The following PLCH2 variants were observed in gnomAD, a reference collection of about 807,000 sequenced individuals.
The protein encoded by PLCH2 is phospholipase C eta 2, also known as 1-phosphatidylinositol 4,5-bisphosphate phosphodiesterase eta-2.
PLCH2 carries 98 observed loss-of-function variants against 134.7 expected under a neutral mutation model. The observed-to-expected ratio is 0.73, with a 90% confidence interval of 0.62 to 0.86. The LOEUF is 0.86. Among genes scored for constraint, PLCH2 ranks in the 40% least tolerant of loss-of-function variants. The pLI is 0.00. For missense variants in PLCH2, 1,994 were observed against 1,986.6 expected (o/e 1.00, Z -0.07); for synonymous variants, 974 against 827.5 (o/e 1.18, Z -3.04).
chr1:2,427,812 G>GGGGTGGGAGCCCTCCA (rs1638873703), intron 1 of PLCH2, among the ~76,000 whole-genome samples: 3 of 151,842 alleles, frequency 2.0e-5, no homozygotes, highest in South Asian at 2.1e-4. Flanking sequence ...GGAGCCCTCC[G>GGGGTGGGAGCCCTCCA]GGGGTGGGAG....
intron 2 of PLCH2, among the ~76,000 whole-genome samples, chr1:2,461,978 G>A (rs902750440): frequency 5.1e-4 from 78 of 151,768 alleles, no homozygotes; most frequent in Non-Finnish European, 8.5e-4. Context: ...CTCCCCTGGC[G>A]CCCCCTCTCT....
chr1:2,492,104 C>T (rs1354664443), intron 11 of PLCH2, among the ~76,000 whole-genome samples: 10 of 152,364 alleles, frequency 6.6e-5, no homozygotes, highest in African/African-American at 2.4e-4. Flanking sequence ...GCTCGTTCTG[C>T]CTGTCCCTGC....
chr1:2,481,809 C>T (rs976335728), intron 4 of PLCH2, among the ~76,000 whole-genome samples: 4 of 152,228 alleles, frequency 2.6e-5, no homozygotes, highest in Non-Finnish European at 2.9e-5. Context: ...TGGGCCTCCC[C>T]GCCCATCTGT....
chr1:2,497,705 AG>A (rs2100723468), intron 16 of PLCH2, 96 bp downstream of exon 16: 2 of 695,264 alleles, frequency 2.9e-6, no homozygotes, highest in South Asian at 3.4e-5. Flanking sequence ...CAGGCTAGCA[AG>A]GGGGTGGGGG....
chr1:2,480,285 C>T lies in PLCH2; in HGVS notation c.618C>T (p.Pro206=), dbSNP rs765620447. 9 of 1,612,664 alleles carry T rather than the reference C, an allele frequency of 5.6e-6. No individual in the cohort carries two copies. The highest frequency in any genetic ancestry group is 7.6e-6 in the Non-Finnish European group (9 of 1,179,808). Reference sequence around the variant, plus strand: ...TGCACAAGCTCAACGTGAACCTGCCCCGGCAGAGGGTGAAGCAGATGTTCA... The same window carrying T: ...TGCACAAGCTCAACGTGAACCTGCCTCGGCAGAGGGTGAAGCAGATGTTCA... ...QLLHKLNVNL[P]RQRVKQMFRE... The change falls in exon 4 of 22, where the codon CCC becomes CCT. Residue 206 remains proline (P), a synonymous_variant. Coordinates refer to ENST00000378486, the MANE Select transcript of PLCH2 (RefSeq NM_014638.4).
chr1:2,504,617 C>T lies in PLCH2; in HGVS notation c.3655C>T (p.Leu1219=). The part of the protein sequence containing the change: ...TGQRPPIPDE[L]QPRSLAPRMA... Reference sequence around the variant, plus strand: ...CCAGCGGCCTCCCATACCTGACGAACTGCAGCCCAGGTCCCTGGCCCCAAG... The same window carrying T: ...CCAGCGGCCTCCCATACCTGACGAATTGCAGCCCAGGTCCCTGGCCCCAAG... The change falls in exon 22 of 22, where the codon CTG becomes TTG. Residue 1219 remains leucine, a synonymous_variant. Transcript: ENST00000378486. 3 of 1,612,740 alleles carry T rather than the reference C, an allele frequency of 1.9e-6. No homozygotes were observed. The highest frequency in any genetic ancestry group is 2.5e-6 in the Non-Finnish European group (3 of 1,179,816).
In PLCH2 at chr1:2,499,101, G is replaced by C; in HGVS notation, c.2452G>C (p.Glu818Gln). ...TTCCCCAGGGTTCAACCCCACCTGG[G>C]AGGAGACCCTGGTTTTCATGGTGCA... ...VDDNGFNPTW[E>Q]ETLVFMVHMP... The change falls in exon 19 of 22, where the codon GAG (glutamate) becomes CAG (glutamine). Residue 818 changes from glutamate to glutamine, a missense_variant. Physicochemically the swap from Glu to Gln is conservative, Grantham distance 29. Coordinates refer to ENST00000378486, the MANE Select transcript of PLCH2 (RefSeq NM_014638.4). The C allele has an allele frequency of 6.2e-7, 1 of 1,611,078 alleles. No homozygotes were observed. The highest frequency in any genetic ancestry group is 8.5e-7 in the Non-Finnish European group (1 of 1,179,100).
chr1:2,461,635 G>C (rs900763978), intron 2 of PLCH2, among the ~76,000 whole-genome samples: 1 of 152,144 alleles, frequency 6.6e-6, no homozygotes, highest in Non-Finnish European at 1.5e-5. Flanking sequence ...GGACAGTGAC[G>C]CCCACTGGAC....
At position 2,497,617 on chromosome 1, in the gene PLCH2, A is replaced by G. The variant is rs748823646; in HGVS notation, c.2224+8A>G. On this transcript the variant is annotated splice_region_variant and intron_variant, in intron 16 of 21. Transcript: ENST00000378486. The stretch of plus-strand genomic sequence containing the variant: ...CTGGGTGCATGTGCCAGGGTGAGGC[A>G]CTCGGACACTCAGGGCTCGGACGCT... The G allele has an allele frequency of 1.3e-6, 2 of 1,535,426 alleles. No homozygotes were observed. Among genetic ancestry groups the G allele is most frequent in the East Asian group, 2.4e-5 (1 of 40,968 alleles).
chr1:2,499,216 G>A lies in PLCH2; in HGVS notation c.2567G>A (p.Ser856Asn), dbSNP rs909774664. 6.2e-7 allele frequency: 1 copy of A among 1,612,858 alleles called. No homozygotes were observed. Among genetic ancestry groups the A allele is most frequent in the Non-Finnish European group, 8.5e-7 (1 of 1,179,810 alleles). Residue 856 changes from serine (S) to asparagine (N), a missense_variant, in exon 19 of 22, where the codon AGC (serine) becomes AAC (asparagine). Coordinates refer to ENST00000378486, the MANE Select transcript of PLCH2 (RefSeq NM_014638.4). ...ATTGGCCAGAGGACGCTGGCCTTCAGCAGCATGATGCCAGGTGGGCAGGAG... is the reference window on the plus strand; with the variant it reads ...ATTGGCCAGAGGACGCTGGCCTTCAACAGCATGATGCCAGGTGGGCAGGAG... ...DFIGQRTLAF[S>N]SMMPGYRHVY...
Position 2,478,522 on chromosome 1 carries a change from G to A in PLCH2, c.171G>A (p.Lys57=), listed in dbSNP as rs1394461940. 1 of 1,612,852 alleles carries A rather than the reference G, an allele frequency of 6.2e-7. No individual in the cohort carries two copies. Among genetic ancestry groups the A allele is most frequent in the Admixed American group, 1.7e-5 (1 of 60,024 alleles). ...GAMQEGMQMV[K]LRGGSKGLVR... Reference sequence around the variant, plus strand: ...TGCAAGAGGGGATGCAGATGGTGAAGCTGCGTGGCGGCTCCAAGGGCCTGG... The same window carrying A: ...TGCAAGAGGGGATGCAGATGGTGAAACTGCGTGGCGGCTCCAAGGGCCTGG... The change falls in exon 2 of 22, where the codon AAG becomes AAA. Residue 57 remains lysine, a synonymous_variant. Coordinates refer to ENST00000378486, the MANE Select transcript of PLCH2 (RefSeq NM_014638.4).
intron 2 of PLCH2, among the ~76,000 whole-genome samples, chr1:2,457,507 G>A (rs909881836): frequency 2.0e-5 from 3 of 152,182 alleles, no homozygotes; most frequent in Non-Finnish European, 2.9e-5. Context: ...CTCCCGGGAC[G>A]CTCCTTGGGT....
At chr1:2,503,503 G>A in intron 21 of PLCH2, 1 of 653,462 alleles carries the variant, frequency 1.5e-6, no homozygotes. Context: ...CTAGAAGGGT[G>A]TCTCCTTAGC....
chr1:2,441,788 G>A (rs1411944299), intron 2 of PLCH2, among the ~76,000 whole-genome samples: 2 of 152,070 alleles, frequency 1.3e-5, no homozygotes, highest in Non-Finnish European at 1.5e-5. Context: ...TGGAGCTGCC[G>A]CAGGGTTCAC....
chr1:2,502,265 C>G lies in PLCH2; in HGVS notation c.2815C>G (p.Pro939Ala). 6.5e-7 allele frequency: 1 copy of G among 1,540,898 alleles called. No individual in the cohort carries two copies. Among genetic ancestry groups the G allele is most frequent in the Non-Finnish European group, 8.7e-7 (1 of 1,144,464 alleles). The stretch of plus-strand genomic sequence containing the variant: ...CAGCGCCCCGACCAAGAGCCAGAAG[C>G]CGGGCCGCAGGGGCTTCCCGGAGCT... ...TASAPTKSQK[P>A]GRRGFPELVL... The change falls in exon 21 of 22, where the codon CCG becomes GCG. Residue 939 changes from proline (P) to alanine (A), a missense_variant. Pro to Ala is a conservative substitution (Grantham distance 27). Coordinates refer to ENST00000378486, the MANE Select transcript of PLCH2 (RefSeq NM_014638.4).
rs750478815 is a variant in PLCH2, at chr1:2,499,228, C to T, written c.2579C>T (p.Pro860Leu). The change falls in exon 19 of 22, where the codon CCA becomes CTA. Residue 860 changes from proline to leucine, a missense_variant and splice_region_variant. Physicochemically the swap from Pro to Leu is moderately conservative, Grantham distance 98. This residue lies in a region of PLCH2 where 1,094 missense variants were observed against 1,234.3 expected (regional missense o/e 0.89). Transcript: ENST00000378486. ...ACGCTGGCCTTCAGCAGCATGATGC[C>T]AGGTGGGCAGGAGTGGACACGGTGC... ...QRTLAFSSMM[P>L]GYRHVYLEGM... 2.5e-6 allele frequency: 4 copies of T among 1,612,734 alleles called. No homozygotes were observed. The highest frequency in any genetic ancestry group is 4.5e-5 in the East Asian group (2 of 44,888).
intron 16 of PLCH2, chr1:2,497,936 C>G (rs944162375): frequency 9.1e-6 from 3 of 330,534 alleles, no homozygotes; most frequent in Non-Finnish European, 1.7e-5. Context: ...CTGTGCCTGG[C>G]CCCTCTGTGG....
intron 1 of PLCH2, among the ~76,000 whole-genome samples, chr1:2,470,957 C>T (rs936702254): frequency 2.0e-5 from 3 of 152,168 alleles, no homozygotes; most frequent in Non-Finnish European, 4.4e-5. Context: ...CTGGCCATGC[C>T]CTGCTCAGTG....
chr1:2,460,906 C>T (rs945404080), intron 2 of PLCH2, among the ~76,000 whole-genome samples: 4 of 152,242 alleles, frequency 2.6e-5, no homozygotes, highest in Admixed American at 6.5e-5. Context: ...GCTGCGGGTT[C>T]GCCTCTTCTC....
Sources: gnomAD v4.1 joint callset for allele counts (sites outside exome capture counted in the v4.1 genomes callset) on GRCh38, gnomAD v4.1.1 for gene constraint, gnomAD v4.1.1 regional missense constraint, MANE v1.5 for transcripts, NCBI Gene and HGNC (gene_info 2026-07-23, HGNC 2026-07-21) for gene names.